Variants in CRIM1 observed in about 807,000 individuals in gnomAD.
CRIM1 encodes the protein cysteine-rich motor neuron 1 protein.
CRIM1 carries 32 observed loss-of-function variants against 116.4 expected under a neutral mutation model. That is an observed-to-expected ratio of 0.27 (90% CI 0.21 to 0.37). The LOEUF (loss-of-function observed/expected upper bound fraction) is 0.37. CRIM1 is among the 10% of genes least tolerant of loss of function. The probability of loss-of-function intolerance (pLI) is 1.00; values close to 1 mark genes in which losing one functional copy is unlikely to be tolerated. For missense variants in CRIM1, 1,331 were observed against 1,354.8 expected, an observed-to-expected ratio of 0.98 and a Z score of 0.28; for synonymous variants, 590 against 509.2, an observed-to-expected ratio of 1.16 and a Z score of -2.13.
intron 14 of CRIM1, among the ~76,000 whole-genome samples, chr2:36,541,275 G>C (rs769662399): frequency 6.6e-6 from 1 of 152,108 alleles, no homozygotes; most frequent in African/African-American, 2.4e-5. Flanking sequence ...AGCACTTCCC[G>C]GTCTGTCCAG....
At chr2:36,429,301 A>T (rs1454499190) in intron 2 of CRIM1, among the ~76,000 whole-genome samples, 1 of 152,194 alleles carries the variant, frequency 6.6e-6, no homozygotes, top group Non-Finnish European at 1.5e-5. Context: ...ATGGAAGAGA[A>T]TCCTGGAATA....
chr2:36,365,229 T>G (rs1299828032), intron 1 of CRIM1, among the ~76,000 whole-genome samples: 1 of 152,220 alleles, frequency 6.6e-6, no homozygotes, highest in Non-Finnish European at 1.5e-5. Flanking sequence ...TTTTGTGGTT[T>G]GAGCCCCTAC....
chr2:36,424,550 T>G (rs567140177), intron 2 of CRIM1, among the ~76,000 whole-genome samples: 1 of 152,310 alleles, frequency 6.6e-6, no homozygotes, highest in East Asian at 1.9e-4. Flanking sequence ...GGCTGTGTCC[T>G]TGGGAAGTAG....
At chr2:36,444,732 C>A (rs1372231676) in intron 4 of CRIM1, among the ~76,000 whole-genome samples, 3 of 152,198 alleles carry the variant, frequency 2.0e-5, no homozygotes, top group Non-Finnish European at 4.4e-5. Flanking sequence ...TACTCATCCC[C>A]TGCTCATTTG....
At chr2:36,485,832 A>G (rs559758132) in intron 7 of CRIM1, among the ~76,000 whole-genome samples, 63 of 152,364 alleles carry the variant, frequency 4.1e-4, no homozygotes, top group African/African-American at 1.3e-3. Flanking sequence ...CAAGAATAAT[A>G]AAATATTCGT....
chr2:36,480,744 A>G lies in CRIM1; in HGVS notation c.1372+1050A>G, dbSNP rs1329103502. ...GCTTGAGGCCTCTCTTTCTGTTGAC[A>G]TCACCGATTCCCTTGTCATTACTGT... On this transcript the variant is annotated intron_variant, in intron 7 of 16. Coordinates refer to ENST00000280527, the MANE Select transcript of CRIM1 (RefSeq NM_016441.3). 3.3e-5 allele frequency among the ~76,000 whole-genome samples: 5 copies of G among 152,302 alleles called. No homozygotes were observed. The East Asian group carries it at 9.7e-4, about 29-fold the overall frequency.
intron 14 of CRIM1, among the ~76,000 whole-genome samples, chr2:36,540,641 T>A (rs1391560353): frequency 6.9e-6 from 1 of 145,426 alleles, no homozygotes; most frequent in Admixed American, 6.8e-5. Context: ...GAGTGTAGAT[T>A]TTGTTCTTTA....
In CRIM1 at chr2:36,442,617, T is replaced by C. The variant is rs771406322; in HGVS notation, c.751T>C (p.Phe251Leu). ...CCDLYECKPVFGVDCRTVECP... is the reference protein window; with the variant it reads ...CCDLYECKPVLGVDCRTVECP... ...GCCTCTCTGTTTGCCCCTTTCAGTT[T>C]TCGGCGTGGACTGCAGGACTGTGGA... The change falls in exon 4 of 17, where the codon TTC becomes CTC. Residue 251 changes from phenylalanine to leucine, a missense_variant and splice_region_variant. Physicochemically the swap from Phe to Leu is conservative, Grantham distance 22. This residue lies in a region of CRIM1 where 690 missense variants were observed against 676.0 expected (regional missense o/e 1.02). Transcript: ENST00000280527. 6.2e-7 allele frequency: 1 copy of C among 1,614,168 alleles called. No homozygotes were observed. Among genetic ancestry groups the C allele is most frequent in the Non-Finnish European group, 8.5e-7 (1 of 1,180,008 alleles).
At chr2:36,542,829 C>T (rs780225194) in intron 14 of CRIM1, among the ~76,000 whole-genome samples, 1 of 152,094 alleles carries the variant, frequency 6.6e-6, no homozygotes, top group Non-Finnish European at 1.5e-5. Flanking sequence ...GCATTAAATA[C>T]CATCCCCCTG....
intron 13 of CRIM1, among the ~76,000 whole-genome samples, chr2:36,525,684 C>G (rs1042576468): frequency 6.6e-6 from 1 of 152,172 alleles, no homozygotes; most frequent in Non-Finnish European, 1.5e-5. Context: ...TACAGACTAT[C>G]TCACCCCAGC....
intron 5 of CRIM1, among the ~76,000 whole-genome samples, chr2:36,474,998 T>G (rs1181946651): frequency 1.3e-5 from 2 of 152,222 alleles, no homozygotes; most frequent in African/African-American, 4.8e-5. Context: ...TTGATTACTA[T>G]AGCATTGTAT....
At chr2:36,487,985 G>A (rs527316129) in intron 7 of CRIM1, among the ~76,000 whole-genome samples, 6 of 152,150 alleles carry the variant, frequency 3.9e-5, no homozygotes, top group South Asian at 2.1e-4. Flanking sequence ...AATAGGTTGC[G>A]ATTCTAATAT....
chr2:36,461,228 G>A (rs1677558473), intron 4 of CRIM1, among the ~76,000 whole-genome samples: 1 of 152,148 alleles, frequency 6.6e-6, no homozygotes, highest in Admixed American at 6.5e-5. Flanking sequence ...GGAAATTGGG[G>A]AGAGGGCTTC....
intron 13 of CRIM1, among the ~76,000 whole-genome samples, chr2:36,534,045 CAGAG>C (rs939783258): frequency 1.1e-4 from 11 of 101,512 alleles, no homozygotes; most frequent in African/African-American, 4.0e-4. Flanking sequence ...GAAGGAAGGA[CAGAG>C]GGAGAAGGAA....
intron 5 of CRIM1, among the ~76,000 whole-genome samples, chr2:36,472,288 A>G (rs141157303): frequency 2.0e-5 from 3 of 152,342 alleles, no homozygotes; most frequent in East Asian, 3.9e-4. Context: ...TAGGTGAAGA[A>G]GTAATTGGTC....
rs530921654 is a variant in CRIM1, at chr2:36,476,753, C to T, written c.992-136C>T. ...ACTTTATTGTTTTCTGTTACATGAA[C>T]TTACATTGAGTTGAGTAAATTTCCA... On this transcript the variant is annotated intron_variant, in intron 5 of 16. Transcript: ENST00000280527. 117 of 678,142 alleles carry T rather than the reference C, an allele frequency of 1.7e-4. No homozygotes were observed. In the East Asian group the frequency reaches 3.0e-3, roughly 18 times the overall value. The allele number at this position is 678,142 out of a possible 1,614,324, so 42.0% of individuals were successfully genotyped here. A position where few individuals can be genotyped will look rare whatever the true frequency, so the allele number is the denominator to read the frequency against.
intron 2 of CRIM1, among the ~76,000 whole-genome samples, chr2:36,414,841 T>TA (rs1278731096): frequency 1.3e-5 from 2 of 152,168 alleles, no homozygotes; most frequent in Non-Finnish European, 2.9e-5. Context: ...AGGGCTCAGT[T>TA]ACACAGACAA....
intron 1 of CRIM1, among the ~76,000 whole-genome samples, chr2:36,391,028 T>C (rs1671541601): frequency 6.6e-6 from 1 of 151,946 alleles, no homozygotes; most frequent in African/African-American, 2.4e-5. Flanking sequence ...CAGGCTGGTC[T>C]TGAACTCCTG....
At chr2:36,507,824 C>T (rs1490493635) in intron 8 of CRIM1, among the ~76,000 whole-genome samples, 1 of 152,168 alleles carries the variant, frequency 6.6e-6, no homozygotes, top group Non-Finnish European at 1.5e-5. Flanking sequence ...GGAAAAACTC[C>T]TTCTTTATTG....
Sources: gnomAD v4.1 joint callset for allele counts (sites outside exome capture counted in the v4.1 genomes callset) on GRCh38, gnomAD v4.1.1 for gene constraint, gnomAD v4.1.1 regional missense constraint, MANE v1.5 for transcripts, NCBI Gene and HGNC (gene_info 2026-07-23, HGNC 2026-07-21) for gene names.